SNTG1: variants seen among roughly 807,000 people sequenced by gnomAD.
SNTG1 encodes gamma-1-syntrophin.
Under a neutral mutation model 74.7 loss-of-function variants are expected in SNTG1, and 39 were observed. That is an observed-to-expected ratio of 0.52 (90% CI 0.40 to 0.68). SNTG1 has a LOEUF of 0.68. SNTG1 is among the 30% of genes least tolerant of loss of function. The probability of loss-of-function intolerance (pLI) is 0.00; values close to 1 mark genes in which losing one functional copy is unlikely to be tolerated. For synonymous variants in SNTG1, 254 were observed against 217.1 expected (o/e 1.17, Z -1.49); for missense variants, 685 against 609.5 (o/e 1.12, Z -1.30).
At chr8:50,214,424 A>G (rs1274940692) in intron 2 of SNTG1, among the ~76,000 whole-genome samples, 1 of 152,002 alleles carries the variant, frequency 6.6e-6, no homozygotes, top group Non-Finnish European at 1.5e-5. Context: ...TAAAATAAAA[A>G]TAAAAATAAA....
At chr8:49,962,299 T>C (rs1456149532) in intron 1 of SNTG1, among the ~76,000 whole-genome samples, 2 of 151,102 alleles carry the variant, frequency 1.3e-5, no homozygotes, top group Admixed American at 1.3e-4. Flanking sequence ...GAGAGAGTGG[T>C]TCTTTTTTGG....
At chr8:50,265,509 TG>T (rs1490839435) in intron 2 of SNTG1, among the ~76,000 whole-genome samples, 1 of 152,072 alleles carries the variant, frequency 6.6e-6, no homozygotes, top group African/African-American at 2.4e-5. Flanking sequence ...AACCTATAGC[TG>T]GCAATATTCT....
At chr8:50,687,573 C>A (rs183362532) in intron 15 of SNTG1, among the ~76,000 whole-genome samples, 21 of 151,988 alleles carry the variant, frequency 1.4e-4, no homozygotes, top group Non-Finnish European at 2.8e-4. Flanking sequence ...GGGATACGTT[C>A]TTTTTTTATT....
chr8:50,342,983 CTT>C (rs1329726136), intron 2 of SNTG1, among the ~76,000 whole-genome samples: 1 of 152,160 alleles, frequency 6.6e-6, no homozygotes, highest in Non-Finnish European at 1.5e-5. Context: ...TCAAAATCCT[CTT>C]TTAAAGAAAC....
intron 13 of SNTG1, among the ~76,000 whole-genome samples, chr8:50,603,364 C>T (rs2094789140): frequency 6.6e-6 from 1 of 152,104 alleles, no homozygotes; most frequent in Non-Finnish European, 1.5e-5. Flanking sequence ...TCTTTTAAAC[C>T]ATTTCAATCA....
rs151260258 is a variant in SNTG1, at chr8:50,515,123, T to C, written c.466+12243T>C. Among the ~76,000 whole-genome samples the C allele has an allele frequency of 1.5e-3, 235 of 152,216 alleles. 1 individual carries two copies. The highest frequency in any genetic ancestry group is 5.4e-3 in the African/African-American group (226 of 41,526). On this transcript the variant is annotated intron_variant, in intron 9 of 18. Coordinates refer to ENST00000642720, the MANE Select transcript of SNTG1 (RefSeq NM_018967.5). ...TGCTCATCATTAAATATAAAGAGAGTCTGTAGTTGACAGCATACATAAGCA... is the reference window on the plus strand; with the variant it reads ...TGCTCATCATTAAATATAAAGAGAGCCTGTAGTTGACAGCATACATAAGCA...
chr8:50,543,103 A>G (rs1203689727), intron 11 of SNTG1, among the ~76,000 whole-genome samples: 3 of 151,956 alleles, frequency 2.0e-5, no homozygotes, highest in African/African-American at 4.8e-5. Context: ...ACATTTGTCT[A>G]TTTTTGCTTT....
chr8:50,087,456 T>G (rs887893378), intron 1 of SNTG1, among the ~76,000 whole-genome samples: 1 of 152,192 alleles, frequency 6.6e-6, no homozygotes, highest in Non-Finnish European at 1.5e-5. Flanking sequence ...CAAGCCTCTT[T>G]ACACAGTGTC....
rs545408119 is a variant in SNTG1, at chr8:50,289,128, T to C, written c.-27-105084T>C. On this transcript the variant is annotated intron_variant, in intron 2 of 18. Coordinates refer to ENST00000642720, the MANE Select transcript of SNTG1 (RefSeq NM_018967.5). ...CAACCTTTAGACTTAAGATAAATAGTATATAATAAGCCTGGGTAGAAGACT... is the reference window on the plus strand; with the variant it reads ...CAACCTTTAGACTTAAGATAAATAGCATATAATAAGCCTGGGTAGAAGACT... Among the ~76,000 whole-genome samples the C allele has an allele frequency of 2.6e-3, 398 of 152,266 alleles. 2 individuals carry two copies. The highest frequency in any genetic ancestry group is 0.015 in the South Asian group (74 of 4,830).
chr8:50,216,914 C>A (rs2084815908), intron 2 of SNTG1, among the ~76,000 whole-genome samples: 2 of 151,752 alleles, frequency 1.3e-5, no homozygotes, highest in South Asian at 2.1e-4. Flanking sequence ...AGAGACTAGT[C>A]AACATACCAG....
At chr8:50,637,535 C>T (rs2095046814) in intron 13 of SNTG1, among the ~76,000 whole-genome samples, 1 of 152,010 alleles carries the variant, frequency 6.6e-6, no homozygotes, top group Non-Finnish European at 1.5e-5. Flanking sequence ...ATTTTGGAAA[C>T]AGGCTTAGGT....
chr8:50,071,752 A>G (rs901644091), intron 1 of SNTG1, among the ~76,000 whole-genome samples: 1 of 151,920 alleles, frequency 6.6e-6, no homozygotes, highest in African/African-American at 2.4e-5. Flanking sequence ...TGCTGGGGTT[A>G]CAGGCATGAG....
chr8:50,647,593 G>A (rs1450056102), intron 13 of SNTG1, among the ~76,000 whole-genome samples: 1 of 152,040 alleles, frequency 6.6e-6, no homozygotes, highest in African/African-American at 2.4e-5. Context: ...CAGTTTTGCT[G>A]TGAACCCAAA....
At chr8:50,161,063 T>G (rs769597198) in intron 1 of SNTG1, among the ~76,000 whole-genome samples, 1 of 152,188 alleles carries the variant, frequency 6.6e-6, no homozygotes, top group Non-Finnish European at 1.5e-5. Flanking sequence ...TCAAGACTTA[T>G]AGATAGATCA....
At chr8:50,571,890 A>G (rs2094550910) in intron 12 of SNTG1, among the ~76,000 whole-genome samples, 1 of 152,178 alleles carries the variant, frequency 6.6e-6, no homozygotes, top group Non-Finnish European at 1.5e-5. Context: ...AACATGTTTT[A>G]GAAACCCCTC....
intron 9 of SNTG1, among the ~76,000 whole-genome samples, chr8:50,526,661 ATTT>A (rs1156908299): frequency 6.3e-5 from 4 of 63,714 alleles, no homozygotes; most frequent in African/African-American, 3.1e-4. Flanking sequence ...ATATATATAT[ATTT>A]TTTTGAGATG....
At chr8:49,984,651 T>C (rs1021726923) in intron 1 of SNTG1, among the ~76,000 whole-genome samples, 1 of 152,214 alleles carries the variant, frequency 6.6e-6, no homozygotes, top group African/African-American at 2.4e-5. Flanking sequence ...AAAAAATAAA[T>C]GTTGTTTTTA....
intron 4 of SNTG1, among the ~76,000 whole-genome samples, chr8:50,421,466 G>A (rs936015598): frequency 2.6e-5 from 4 of 152,054 alleles, no homozygotes; most frequent in East Asian, 1.9e-4. Flanking sequence ...GAGGCCACTC[G>A]TCACCATTTT....
intron 1 of SNTG1, among the ~76,000 whole-genome samples, chr8:50,103,899 C>G (rs1395085628): frequency 6.6e-6 from 1 of 152,154 alleles, no homozygotes; most frequent in Non-Finnish European, 1.5e-5. Context: ...CCTTGCATCC[C>G]AGGGATGAAG....
Sources: gnomAD v4.1 joint callset for allele counts (sites outside exome capture counted in the v4.1 genomes callset) on GRCh38, gnomAD v4.1.1 for gene constraint, MANE v1.5 for transcripts, NCBI Gene and HGNC (gene_info 2026-07-23, HGNC 2026-07-21) for gene names.